Variants in PLCH1 observed in about 807,000 individuals in gnomAD.
PLCH1 encodes 1-phosphatidylinositol 4,5-bisphosphate phosphodiesterase eta-1.
A neutral mutation model predicts 126.7 loss-of-function variants in PLCH1; 60 were observed. That is an observed-to-expected ratio of 0.47 (90% CI 0.38 to 0.59). The LOEUF is 0.59. Ranked by LOEUF, PLCH1 falls within the 20% of genes least tolerant of loss-of-function variation. PLCH1 has a pLI of 0.00. For missense variants in PLCH1, 1,723 were observed against 2,040.0 expected, an observed-to-expected ratio of 0.84 and a Z score of 2.99; for synonymous variants, 719 against 734.9, an observed-to-expected ratio of 0.98 and a Z score of 0.35.
intron 17 of PLCH1, among the ~76,000 whole-genome samples, chr3:155,493,866 G>C (rs1452170539): frequency 6.6e-6 from 1 of 152,130 alleles, no homozygotes; most frequent in Non-Finnish European, 1.5e-5. Flanking sequence ...ATGGGGCACT[G>C]GATTTCAAGT....
chr3:155,485,408 C>T lies in PLCH1; in HGVS notation c.2922G>A (p.Ser974=), dbSNP rs777510559. The change falls in exon 22 of 23, where the codon TCG becomes TCA. Residue 974 remains serine, a synonymous_variant. Transcript: ENST00000460012. The part of the protein sequence containing the change: ...PVDRNLLGAL[S]LPVSETAKDI... ...CTTTTGCTGTTTCAGATACAGGCAGCGACAAAGCTCCCAGAAGGTTTCTGT... is the reference window on the plus strand; with the variant it reads ...CTTTTGCTGTTTCAGATACAGGCAGTGACAAAGCTCCCAGAAGGTTTCTGT... 2.5e-6 allele frequency: 4 copies of T among 1,610,010 alleles called. No individual in the cohort carries two copies. The highest frequency in any genetic ancestry group is 2.6e-6 in the Non-Finnish European group (3 of 1,176,466).
At chr3:155,488,860 G>T in intron 19 of PLCH1, 54 bp from the exon 20 acceptor site, 1 of 1,506,096 alleles carries the variant, frequency 6.6e-7, no homozygotes, top group Non-Finnish European at 9.0e-7. Flanking sequence ...GGCTGAAAAT[G>T]AGTTGGCAGC....
chr3:155,662,318 A>G (rs1458827617), intron 2 of PLCH1, among the ~76,000 whole-genome samples: 1 of 152,168 alleles, frequency 6.6e-6, no homozygotes, highest in East Asian at 1.9e-4. Context: ...TAATTAAAAA[A>G]TTAGCTAGTC....
intron 18 of PLCH1, among the ~76,000 whole-genome samples, 175 bp from the exon 19 acceptor site, chr3:155,491,043 T>C (rs1302627790): frequency 1.3e-5 from 2 of 152,288 alleles, no homozygotes; most frequent in East Asian, 3.9e-4. Context: ...GAGACAAGTA[T>C]AAAAAATATT....
chr3:155,551,617 T>A (rs549959501), intron 9 of PLCH1, among the ~76,000 whole-genome samples: 1 of 148,474 alleles, frequency 6.7e-6, no homozygotes, highest in Non-Finnish European at 1.5e-5. Flanking sequence ...GGGGTGCTAT[T>A]GGCACATAAT....
intron 21 of PLCH1, among the ~76,000 whole-genome samples, chr3:155,452,169 C>A (rs552919559): frequency 2.0e-5 from 3 of 152,116 alleles, no homozygotes; most frequent in Non-Finnish European, 4.4e-5. Flanking sequence ...GCCTCAGAAT[C>A]ATGATAGGAG....
At chr3:155,717,799 CT>C (rs938557321) in intron 1 of PLCH1, among the ~76,000 whole-genome samples, 1 of 152,212 alleles carries the variant, frequency 6.6e-6, no homozygotes, top group African/African-American at 2.4e-5. Flanking sequence ...CTACCCTTGT[CT>C]TGGCAATTAG....
intron 13 of PLCH1, 21 bp downstream of exon 13, chr3:155,504,534 G>T: frequency 7.3e-7 from 1 of 1,361,572 alleles, no homozygotes; most frequent in Non-Finnish European, 1.1e-6. Context: ...AGTATGCATA[G>T]TTATTACTCT....
chr3:155,496,080 A>T (rs1200539844), intron 15 of PLCH1, among the ~76,000 whole-genome samples: 2 of 152,222 alleles, frequency 1.3e-5, no homozygotes, highest in Non-Finnish European at 2.9e-5. Context: ...TTAGGCACAT[A>T]TCAATTAGTA....
chr3:155,714,853 A>G (rs1172191743), intron 1 of PLCH1, among the ~76,000 whole-genome samples: 4 of 152,160 alleles, frequency 2.6e-5, no homozygotes, highest in Non-Finnish European at 5.9e-5. Flanking sequence ...TATAACTTCC[A>G]TTTCTCATAT....
At chr3:155,465,881 G>A (rs948043111) in intron 21 of PLCH1, among the ~76,000 whole-genome samples, 1 of 152,192 alleles carries the variant, frequency 6.6e-6, no homozygotes, top group African/African-American at 2.4e-5. Context: ...GTGGCTACAA[G>A]GTGAGGCTCC....
At chr3:155,514,679 T>A in intron 12 of PLCH1, 44 bp downstream of exon 12, 1 of 1,274,068 alleles carries the variant, frequency 7.8e-7, no homozygotes, top group Non-Finnish European at 1.0e-6. Context: ...ATGAGATGCT[T>A]TTTTTTTCCT....
At chr3:155,688,447 G>A (rs572801173) in intron 2 of PLCH1, among the ~76,000 whole-genome samples, 92 of 152,318 alleles carry the variant, frequency 6.0e-4, no homozygotes, top group African/African-American at 2.1e-3. Flanking sequence ...GGAGCAAGAT[G>A]GCAGAACAGA....
In PLCH1 at chr3:155,500,742, G is replaced by C; in HGVS notation, c.1757C>G (p.Thr586Arg). The change falls in exon 14 of 23, where the codon ACA (threonine) becomes AGA (arginine). Residue 586 changes from threonine (T) to arginine (R), a missense_variant. Physicochemically the swap from Thr to Arg is moderately conservative, Grantham distance 71 (BLOSUM62 -1). Around this residue, in one of 2 missense-constraint regions of PLCH1, gnomAD observed 776 missense variants for 1,062.9 expected, o/e 0.73. Coordinates refer to ENST00000460012, the MANE Select transcript of PLCH1 (RefSeq NM_014996.4). ...ACCCTCCTTGCCAGTACTCTGCTGT[G>C]TGTCTTCCTCATCATCAGTACTGTA... ...KSYSTDDEED[T>R]QQSTGKEGGQ... 1 of 1,613,680 alleles carries C rather than the reference G, an allele frequency of 6.2e-7. No individual in the cohort carries two copies. The highest frequency in any genetic ancestry group is 1.3e-5 in the African/African-American group (1 of 75,030).
rs150151625 is a variant in PLCH1 at position 155,580,556 on chromosome 3, TAGG to T, written c.771+2913_771+2915del. 4.6e-3 allele frequency among the ~76,000 whole-genome samples: 695 copies of T among 152,226 alleles called. 4 individuals are homozygous for T. The highest frequency in any genetic ancestry group is 0.016 in the African/African-American group (670 of 41,564). ...GAGTAACATAATTTTCCAGGTTATG[TAGG>T]AGAAAATTAAAGAAAGTTAAAAGAA... On this transcript the variant is annotated intron_variant, in intron 6 of 22. Coordinates refer to ENST00000460012, the MANE Select transcript of PLCH1 (RefSeq NM_014996.4).
intron 1 of PLCH1, among the ~76,000 whole-genome samples, chr3:155,729,972 A>G (rs1748640438): frequency 1.3e-5 from 2 of 152,110 alleles, no homozygotes; most frequent in Admixed American, 1.3e-4. Context: ...TCAGAATATA[A>G]GTCCTGAGAA....
intron 11 of PLCH1, among the ~76,000 whole-genome samples, chr3:155,515,283 A>G (rs979817712): frequency 2.0e-5 from 3 of 152,222 alleles, no homozygotes; most frequent in African/African-American, 7.2e-5. Flanking sequence ...CCCTATGCTT[A>G]TGCTATTTGA....
chr3:155,528,574 G>A (rs1030951176), intron 10 of PLCH1, among the ~76,000 whole-genome samples: 6 of 152,170 alleles, frequency 3.9e-5, no homozygotes, highest in East Asian at 1.9e-4. Flanking sequence ...TGTAGTGATA[G>A]CAATTCCCTC....
At chr3:155,651,460 G>T in intron 2 of PLCH1, among the ~76,000 whole-genome samples, 1 of 152,230 alleles carries the variant, frequency 6.6e-6, no homozygotes, top group Non-Finnish European at 1.5e-5. Context: ...TAGCAAGTTG[G>T]GGGGTTGGAG....
Sources: allele counts gnomAD v4.1 joint callset (sites outside exome capture counted in the v4.1 genomes callset), GRCh38; gene constraint gnomAD v4.1.1; regional missense constraint gnomAD v4.1.1; transcripts MANE v1.5; gene names NCBI Gene and HGNC (gene_info 2026-07-23, HGNC 2026-07-21).